Variants in SPAG16 observed in about 807,000 individuals in gnomAD.
SPAG16 encodes sperm-associated antigen 16 protein.
A neutral mutation model predicts 80.4 loss-of-function variants in SPAG16; 86 were observed. The observed-to-expected ratio is 1.07, with a 90% confidence interval of 0.90 to 1.28. The LOEUF (loss-of-function observed/expected upper bound fraction) is 1.28, where lower values mean the gene tolerates loss of function less well. Ranked by LOEUF, SPAG16 falls within the 50% of genes most tolerant of loss-of-function variation. The pLI is 0.00. For missense variants in SPAG16, 870 were observed against 765.3 expected (o/e 1.14, Z -1.61); for synonymous variants, 294 against 265.9 (o/e 1.11, Z -1.03).
intron 15 of SPAG16, among the ~76,000 whole-genome samples, chr2:214,357,969 A>T (rs953266610): frequency 1.4e-4 from 22 of 151,938 alleles, no homozygotes; most frequent in Non-Finnish European, 1.5e-4. Flanking sequence ...TTTATGATTA[A>T]CAATTTTCCT....
At chr2:214,019,169 C>A (rs2047734200) in intron 13 of SPAG16, among the ~76,000 whole-genome samples, 1 of 152,030 alleles carries the variant, frequency 6.6e-6, no homozygotes. Context: ...TAAGGCCTAC[C>A]TAAAGGCAGT....
intron 13 of SPAG16, among the ~76,000 whole-genome samples, chr2:214,069,951 G>A (rs1553708736): frequency 1.3e-5 from 2 of 152,116 alleles, no homozygotes; most frequent in Non-Finnish European, 2.9e-5. Flanking sequence ...ACTGGAGATT[G>A]TAACTTTGGT....
intron 10 of SPAG16, among the ~76,000 whole-genome samples, chr2:213,566,824 T>A (rs2059784780): frequency 6.6e-6 from 1 of 152,188 alleles, no homozygotes; most frequent in Non-Finnish European, 1.5e-5. Flanking sequence ...CTGATTTAGT[T>A]GCCAGATTAT....
intron 15 of SPAG16, among the ~76,000 whole-genome samples, chr2:214,271,582 C>T (rs1692009174): frequency 6.6e-6 from 1 of 152,208 alleles, no homozygotes; most frequent in South Asian, 2.1e-4. Context: ...GGGTGGATCA[C>T]CTGAGGTCAG....
At chr2:214,285,984 T>C (rs1693328364) in intron 15 of SPAG16, among the ~76,000 whole-genome samples, 1 of 152,182 alleles carries the variant, frequency 6.6e-6, no homozygotes, top group South Asian at 2.1e-4. Context: ...CTTCTAGTAG[T>C]TTTATGATTT....
At chr2:213,837,331 A>G (rs1038805594) in intron 10 of SPAG16, among the ~76,000 whole-genome samples, 2 of 152,220 alleles carry the variant, frequency 1.3e-5, no homozygotes, top group Non-Finnish European at 2.9e-5. Flanking sequence ...GTTATGTCCC[A>G]ACACATGTTA....
chr2:214,158,558 A>G (rs2056310823), intron 15 of SPAG16, among the ~76,000 whole-genome samples: 1 of 152,050 alleles, frequency 6.6e-6, no homozygotes, highest in Non-Finnish European at 1.5e-5. Context: ...ACAGGACTAT[A>G]TAAGAACCTG....
At chr2:213,874,460 C>T (rs1384905706) in intron 11 of SPAG16, among the ~76,000 whole-genome samples, 1 of 152,086 alleles carries the variant, frequency 6.6e-6, no homozygotes, top group Non-Finnish European at 1.5e-5. Context: ...TAGCCTAGGC[C>T]TACACAGGGT....
chr2:213,916,203 G>C (rs576732458), intron 11 of SPAG16, among the ~76,000 whole-genome samples: 2 of 152,092 alleles, frequency 1.3e-5, no homozygotes, highest in African/African-American at 2.4e-5. Flanking sequence ...CTGTGTCCTG[G>C]ATGGTATTGC....
rs573298231 is a variant in SPAG16 at position 213,340,176 on chromosome 2, G to A, written c.550G>A (p.Asp184Asn). The A allele has an allele frequency of 1.2e-6, 2 of 1,609,076 alleles. No homozygotes were observed. The highest frequency in any genetic ancestry group is 3.4e-5 in the Admixed American group (2 of 58,930). ...TTTTTTTTTCAGCAAAGCTAGAGAAGATTTGCTGAAAATTCAGAAAGAACG... is the reference window on the plus strand; with the variant it reads ...TTTTTTTTTCAGCAAAGCTAGAGAAAATTTGCTGAAAATTCAGAAAGAACG... ...YKQAADKARE[D>N]LLKIQKERDF... Residue 184 changes from aspartate to asparagine, a missense_variant, in exon 6 of 16, where the codon GAT becomes AAT. Asp to Asn is a conservative substitution (Grantham distance 23, BLOSUM62 1). Transcript: ENST00000331683.
chr2:213,981,507 A>T (rs972232671), intron 12 of SPAG16, among the ~76,000 whole-genome samples: 10 of 152,182 alleles, frequency 6.6e-5, no homozygotes, highest in African/African-American at 2.4e-4. Flanking sequence ...TATTGCTGCT[A>T]TTTTAGAAAT....
intron 15 of SPAG16, among the ~76,000 whole-genome samples, chr2:214,272,077 G>A (rs952615101): frequency 1.3e-5 from 2 of 152,010 alleles, no homozygotes; most frequent in African/African-American, 4.8e-5. Context: ...AAAATTATAA[G>A]TACTTATTGG....
At chr2:214,039,617 T>C (rs1261533095) in intron 13 of SPAG16, among the ~76,000 whole-genome samples, 3 of 152,204 alleles carry the variant, frequency 2.0e-5, no homozygotes, top group Non-Finnish European at 4.4e-5. Flanking sequence ...ATTCATTTCT[T>C]TGTTGGATTC....
At chr2:213,451,914 C>T (rs12477483) in intron 9 of SPAG16, among the ~76,000 whole-genome samples, 1 of 152,020 alleles carries the variant, frequency 6.6e-6, no homozygotes, top group African/African-American at 2.4e-5. Flanking sequence ...GCAGGTGTCC[C>T]TGACTCGCCC....
intron 10 of SPAG16, among the ~76,000 whole-genome samples, chr2:213,755,327 G>C (rs546059689): frequency 2.0e-5 from 3 of 152,154 alleles, no homozygotes; most frequent in Admixed American, 6.5e-5. Context: ...TTTTAAAATA[G>C]TTTTGACTGA....
chr2:213,962,923 T>C (rs1419328090), intron 12 of SPAG16, among the ~76,000 whole-genome samples: 1 of 151,768 alleles, frequency 6.6e-6, no homozygotes, highest in African/African-American at 2.4e-5. Flanking sequence ...GTCTTCTCTG[T>C]TTTTTTTCCT....
chr2:213,784,577 G>A, intron 10 of SPAG16, among the ~76,000 whole-genome samples: 1 of 98,132 alleles, frequency 1.0e-5, no homozygotes, highest in Non-Finnish European at 2.0e-5. Flanking sequence ...TACAGTAAAA[G>A]TAAATTTGTA....
At chr2:213,989,939 A>T (rs2046196934) in intron 12 of SPAG16, among the ~76,000 whole-genome samples, 1 of 152,128 alleles carries the variant, frequency 6.6e-6, no homozygotes, top group Non-Finnish European at 1.5e-5. Context: ...ATTGCAAAAA[A>T]ATAAAAATTG....
At chr2:213,492,503 T>C (rs894344452) in intron 10 of SPAG16, among the ~76,000 whole-genome samples, 2 of 151,848 alleles carry the variant, frequency 1.3e-5, no homozygotes, top group Admixed American at 6.6e-5. Context: ...TGAGCCAAGA[T>C]CGTGCCACTG....
Sources: allele counts gnomAD v4.1 joint callset (sites outside exome capture counted in the v4.1 genomes callset), GRCh38; gene constraint gnomAD v4.1.1; transcripts MANE v1.5; gene names NCBI Gene and HGNC (gene_info 2026-07-23, HGNC 2026-07-21).